Variants in SRPK2 observed in about 807,000 individuals in gnomAD.
SRPK2 encodes SFRS protein kinase 2.
A neutral mutation model predicts 90.8 loss-of-function variants in SRPK2; 21 were observed. The observed-to-expected ratio is 0.23, with a 90% CI of 0.16 to 0.33. The LOEUF (loss-of-function observed/expected upper bound fraction) is 0.33. SRPK2 is among the 10% of genes least tolerant of loss of function. SRPK2 has a pLI of 1.00. For missense variants in SRPK2, 620 were observed against 869.0 expected, an observed-to-expected ratio of 0.71 and a Z score of 3.60; for synonymous variants, 288 against 311.1, an observed-to-expected ratio of 0.93 and a Z score of 0.78.
chr7:105,321,408 G>A (rs1812922538), intron 2 of SRPK2, among the ~76,000 whole-genome samples: 1 of 151,788 alleles, frequency 6.6e-6, no homozygotes, highest in African/African-American at 2.4e-5. Flanking sequence ...CATGACCTTG[G>A]GTATGACAAC....
At chr7:105,273,256 C>T (rs1165514657) in intron 2 of SRPK2, among the ~76,000 whole-genome samples, 4 of 151,778 alleles carry the variant, frequency 2.6e-5, no homozygotes, top group East Asian at 1.9e-4. Context: ...CCTCCATTCT[C>T]TCTTTTTTAT....
chr7:105,379,786 G>A (rs577031406), intron 2 of SRPK2, among the ~76,000 whole-genome samples: 6 of 152,244 alleles, frequency 3.9e-5, no homozygotes, highest in South Asian at 2.1e-4. Flanking sequence ...AGACCAGCCC[G>A]GCCAACATGG....
intron 13 of SRPK2, among the ~76,000 whole-genome samples, chr7:105,131,208 T>G (rs952556603): frequency 1.3e-5 from 2 of 152,218 alleles, no homozygotes; most frequent in African/African-American, 4.8e-5. Flanking sequence ...GGGGCAGCCC[T>G]GCTGCTAGTG....
chr7:105,157,061 T>A (rs909535948), intron 7 of SRPK2, among the ~76,000 whole-genome samples: 4 of 151,880 alleles, frequency 2.6e-5, no homozygotes, highest in Admixed American at 6.6e-5. Context: ...GAGAATAAAC[T>A]GGAAAAGGGA....
intron 2 of SRPK2, among the ~76,000 whole-genome samples, chr7:105,211,299 G>A (rs1387383120): frequency 6.6e-6 from 1 of 151,842 alleles, no homozygotes; most frequent in Non-Finnish European, 1.5e-5. Flanking sequence ...GGGTAATCCA[G>A]AATGGGAAAC....
chr7:105,369,336 C>T (rs544523265), intron 2 of SRPK2, among the ~76,000 whole-genome samples: 11 of 152,016 alleles, frequency 7.2e-5, no homozygotes, highest in African/African-American at 2.7e-4. Flanking sequence ...TTACTACAGA[C>T]AGGGCTTCAT....
intron 2 of SRPK2, among the ~76,000 whole-genome samples, chr7:105,334,856 A>T (rs1814891628): frequency 6.6e-6 from 1 of 150,874 alleles, no homozygotes; most frequent in South Asian, 2.1e-4. Flanking sequence ...AAACAAAAAA[A>T]AAATTAATTA....
intron 3 of SRPK2, among the ~76,000 whole-genome samples, chr7:105,193,700 T>C (rs967806845): frequency 6.6e-6 from 1 of 152,216 alleles, no homozygotes; most frequent in African/African-American, 2.4e-5. Flanking sequence ...GTGTCGTCTA[T>C]GATTTCTTTC....
At position 105,142,230 on chromosome 7, in the gene SRPK2, A is replaced by G; in HGVS notation, c.1321T>C (p.Ser441Pro). 1.2e-6 allele frequency: 2 copies of G among 1,614,066 alleles called. No homozygotes were observed. Among genetic ancestry groups the G allele is most frequent in the Non-Finnish European group, 1.7e-6 (2 of 1,180,018 alleles). Residue 441 changes from serine (S) to proline (P), a missense_variant, in exon 11 of 16, where the codon TCC becomes CCC. Ser to Pro is a moderately conservative substitution (Grantham distance 74). This residue lies in a region of SRPK2 where 243 missense variants were observed against 245.7 expected (regional missense o/e 0.99). Transcript: ENST00000393651. ...NAESDYTYSS[S>P]YEQFNGELPN... Reference sequence around the variant, plus strand: ...AATTCACCATTGAATTGTTCATAGGAGCTGCTATATGTGTAATCACTTTCT... The same window carrying G: ...AATTCACCATTGAATTGTTCATAGGGGCTGCTATATGTGTAATCACTTTCT...
chr7:105,157,604 T>A (rs1584986147), intron 7 of SRPK2, among the ~76,000 whole-genome samples: 1 of 152,116 alleles, frequency 6.6e-6, no homozygotes, highest in Admixed American at 6.5e-5. Flanking sequence ...GAAAGATGGG[T>A]TCACACACAC....
At chr7:105,154,226 A>C (rs982321262) in intron 7 of SRPK2, among the ~76,000 whole-genome samples, 3 of 152,334 alleles carry the variant, frequency 2.0e-5, no homozygotes, top group Non-Finnish European at 2.9e-5. Flanking sequence ...CAGCACTGGG[A>C]CTGCACAAAG....
chr7:105,226,854 C>T (rs1412985971), intron 2 of SRPK2, among the ~76,000 whole-genome samples: 1 of 151,958 alleles, frequency 6.6e-6, no homozygotes, highest in Non-Finnish European at 1.5e-5. Flanking sequence ...AAAAATTAGC[C>T]AGGCTTGAAC....
intron 15 of SRPK2, among the ~76,000 whole-genome samples, chr7:105,120,466 T>A (rs1237779259): frequency 6.6e-6 from 1 of 152,192 alleles, no homozygotes; most frequent in Non-Finnish European, 1.5e-5. Flanking sequence ...TATTCATCCA[T>A]AACTAGGCAT....
chr7:105,170,879 GA>G (rs1382985796), intron 3 of SRPK2, among the ~76,000 whole-genome samples: 42 of 113,654 alleles, frequency 3.7e-4, no homozygotes, highest in East Asian at 1.1e-3. Context: ...AAGAAAGAAA[GA>G]AAGAAAGAAA....
At chr7:105,275,113 T>C (rs1471909167) in intron 2 of SRPK2, among the ~76,000 whole-genome samples, 1 of 152,008 alleles carries the variant, frequency 6.6e-6, no homozygotes. Context: ...GGTCTCAAAC[T>C]GACCTCAAGT....
At chr7:105,379,558 A>G (rs571243531) in intron 2 of SRPK2, among the ~76,000 whole-genome samples, 4 of 152,202 alleles carry the variant, frequency 2.6e-5, no homozygotes, top group Non-Finnish European at 4.4e-5. Flanking sequence ...CCTAGGTGGT[A>G]GAGTATAGAC....
intron 2 of SRPK2, among the ~76,000 whole-genome samples, chr7:105,382,642 A>G (rs575135154): frequency 1.3e-5 from 2 of 152,282 alleles, no homozygotes; most frequent in South Asian, 4.1e-4. Flanking sequence ...CTGCATGAAA[A>G]AAGGCGAATC....
intron 2 of SRPK2, among the ~76,000 whole-genome samples, chr7:105,236,188 A>G (rs2129621210): frequency 6.6e-6 from 1 of 152,346 alleles, no homozygotes; most frequent in Middle Eastern, 3.4e-3. Flanking sequence ...GATCTAGATT[A>G]TGCTAGACGC....
intron 2 of SRPK2, among the ~76,000 whole-genome samples, chr7:105,357,071 T>C (rs1206382698): frequency 1.3e-5 from 2 of 152,050 alleles, no homozygotes; most frequent in East Asian, 3.9e-4. Flanking sequence ...AGTCTCGCTC[T>C]GTCGCCCAGG....
Sources: gnomAD v4.1 joint callset for allele counts (sites outside exome capture counted in the v4.1 genomes callset) on GRCh38, gnomAD v4.1.1 for gene constraint, gnomAD v4.1.1 regional missense constraint, MANE v1.5 for transcripts, NCBI Gene and HGNC (gene_info 2026-07-23, HGNC 2026-07-21) for gene names.